The following COA1 variants were observed in gnomAD, a reference collection of about 807,000 sequenced individuals.
The protein encoded by COA1 is cytochrome c oxidase assembly factor 1 homolog.
A neutral mutation model predicts 16.0 loss-of-function variants in COA1; 13 were observed. The observed-to-expected ratio is 0.81, with a 90% CI of 0.53 to 1.29. The LOEUF is 1.29. COA1 is among the 50% of genes most tolerant of loss of function. The pLI, the probability that COA1 is intolerant of heterozygous loss-of-function variation, is 0.00. For missense variants in COA1, 179 were observed against 177.0 expected (o/e 1.01, Z -0.06); for synonymous variants, 65 against 65.7 (o/e 0.99, Z 0.05).
At chr7:43,636,865 T>A (rs1036805630), downstream of COA1, among the ~76,000 whole-genome samples, 4 of 152,208 alleles carry the variant, frequency 2.6e-5, no homozygotes, top group African/African-American at 9.6e-5. Flanking sequence ...AACAGTAGAA[T>A]CATGTGCTTA....
chr7:43,660,216 C>T (rs1425729364), intron 1 of COA1, among the ~76,000 whole-genome samples: 1 of 152,166 alleles, frequency 6.6e-6, no homozygotes, highest in Non-Finnish European at 1.5e-5. Context: ...GGGCATGAAT[C>T]TAGGTCTACT....
chr7:43,628,379 G>T (rs1281302513), intron 6 of COA1, among the ~76,000 whole-genome samples: 1 of 152,168 alleles, frequency 6.6e-6, no homozygotes, highest in Non-Finnish European at 1.5e-5. Flanking sequence ...CCCCTGAGCT[G>T]TTTCTGTGGG....
chr7:43,679,816 A>G (rs2093686955), intron 1 of COA1, among the ~76,000 whole-genome samples: 1 of 152,228 alleles, frequency 6.6e-6, no homozygotes, highest in African/African-American at 2.4e-5. Context: ...AGAACCTTAG[A>G]AAGTGGATTA....
chr7:43,724,785 A>C (rs1298552767), intron 1 of COA1, among the ~76,000 whole-genome samples: 3 of 152,252 alleles, frequency 2.0e-5, no homozygotes, highest in African/African-American at 7.2e-5. Context: ...ATGCTAAATG[A>C]AATAAACCAG....
chr7:43,628,494 G>A (rs2084843280), intron 6 of COA1, among the ~76,000 whole-genome samples: 1 of 152,164 alleles, frequency 6.6e-6, no homozygotes. Context: ...AGGTCTTATG[G>A]TAGCTGTATA....
intron 1 of COA1, chr7:43,711,426 A>G (rs2095243276): frequency 6.6e-6 from 1 of 152,126 alleles, no homozygotes; most frequent in Non-Finnish European, 1.5e-5. Flanking sequence ...CATTATTTAG[A>G]AAATCTCTGG....
intron 1 of COA1, among the ~76,000 whole-genome samples, chr7:43,718,998 G>T (rs1416915124): frequency 1.4e-5 from 2 of 146,376 alleles, no homozygotes; most frequent in Non-Finnish European, 3.0e-5. Flanking sequence ...TTGAGATGGA[G>T]TCTCACTCTG....
chr7:43,708,299 AAAAT>A (rs2095077643), intron 1 of COA1, among the ~76,000 whole-genome samples: 1 of 152,178 alleles, frequency 6.6e-6, no homozygotes, highest in Non-Finnish European at 1.5e-5. Context: ...ATCTCTACAA[AAAAT>A]AAATAAAGTT....
intron 1 of COA1, among the ~76,000 whole-genome samples, chr7:43,698,872 C>G (rs1278856832): frequency 6.6e-6 from 1 of 152,134 alleles, no homozygotes; most frequent in African/African-American, 2.4e-5. Flanking sequence ...ATTTTTCCAC[C>G]ACACAAATTA....
At chr7:43,626,630 ATC>A (rs1190721786) in intron 6 of COA1, 4 of 152,316 alleles carry the variant, frequency 2.6e-5, no homozygotes, top group South Asian at 2.1e-4. Flanking sequence ...GCAAATATTT[ATC>A]TCTCTGAAAA....
intron 1 of COA1, among the ~76,000 whole-genome samples, chr7:43,660,517 G>C (rs780830096): frequency 2.8e-4 from 43 of 152,236 alleles, no homozygotes; most frequent in Non-Finnish European, 5.4e-4. Context: ...GTCTTATAAA[G>C]CAGGAATTAC....
chr7:43,628,776 T>G (rs747740672), intron 6 of COA1, among the ~76,000 whole-genome samples: 1 of 152,252 alleles, frequency 6.6e-6, no homozygotes, highest in Non-Finnish European at 1.5e-5. Flanking sequence ...CATAAAGGAT[T>G]GTCAGATTTA....
chr7:43,647,698 G>A (rs1048147385), intron 2 of COA1, 64 bp from the exon 3 acceptor site: 3 of 1,224,498 alleles, frequency 2.4e-6, no homozygotes, highest in South Asian at 1.3e-5. Context: ...GGATTTGCCC[G>A]GCTTGGACCC....
In COA1 at chr7:43,676,552, A is replaced by G. The variant is rs148670808; in HGVS notation, c.-38-27900T>C. 5.3e-3 allele frequency among the ~76,000 whole-genome samples: 809 copies of G among 152,332 alleles called. 7 individuals are homozygous for G. The highest frequency in any genetic ancestry group is 0.019 in the African/African-American group (776 of 41,586). The stretch of plus-strand genomic sequence containing the variant: ...AGAAGCTAAAAAAAGTTGATCTCAT[A>G]TAAGTAAAAAGTAGAACAGAAGATT... On this transcript the variant is annotated intron_variant, in intron 1 of 5. Coordinates refer to ENST00000223336, the MANE Select transcript of COA1 (RefSeq NM_018224.4).
At chr7:43,729,237 G>A (rs978306762) in intron 1 of COA1, among the ~76,000 whole-genome samples, 192 bp downstream of exon 1, 3 of 152,238 alleles carry the variant, frequency 2.0e-5, no homozygotes, top group African/African-American at 7.2e-5. Flanking sequence ...AGCCACTGAA[G>A]GTTACCAGGT....
At chr7:43,713,463 C>T (rs999172277) in intron 1 of COA1, among the ~76,000 whole-genome samples, 3 of 152,114 alleles carry the variant, frequency 2.0e-5, no homozygotes, top group Admixed American at 6.5e-5. Context: ...CTCATTTGAA[C>T]GACCTCTCCC....
chr7:43,679,751 G>C (rs976190593), intron 1 of COA1, among the ~76,000 whole-genome samples: 3 of 152,148 alleles, frequency 2.0e-5, no homozygotes, highest in African/African-American at 4.8e-5. Flanking sequence ...AAGGATAGTG[G>C]AGTATGCAAG....
Position 43,646,184 on chromosome 7 carries a change from G to A in COA1, c.116-785C>T, listed in dbSNP as rs564790693. On this transcript the variant is annotated intron_variant, in intron 3 of 5. Coordinates refer to ENST00000223336, the MANE Select transcript of COA1 (RefSeq NM_018224.4). ...AAGGGAAAGGTGACCTGACCCTGGA[G>A]AGGCCAAGGGAATCCCCCTCCTGGG... is the stretch of plus-strand genomic sequence containing the variant. 136 of 171,578 alleles carry A rather than the reference G, an allele frequency of 7.9e-4. 1 individual carries two copies. Among genetic ancestry groups the A allele is most frequent in the South Asian group, 2.7e-3 (23 of 8,448 alleles). The allele number at this position is 171,578 out of a possible 1,614,324, so 10.6% of individuals were successfully genotyped here. A position where few individuals can be genotyped will look rare whatever the true frequency, so the allele number is the denominator to read the frequency against.
chr7:43,691,354 AGGGAGGGAGGG>A (rs1563383372), intron 1 of COA1, among the ~76,000 whole-genome samples: 11 of 31,270 alleles, frequency 3.5e-4, no homozygotes, highest in Non-Finnish European at 5.7e-4. Context: ...GGAGGGAGGG[AGGGAGGGAGGG>A]AGGGAGGGAG....
Sources: allele counts gnomAD v4.1 joint callset (sites outside exome capture counted in the v4.1 genomes callset), GRCh38; gene constraint gnomAD v4.1.1; transcripts MANE v1.5; gene names NCBI Gene and HGNC (gene_info 2026-07-23, HGNC 2026-07-21).